The following TINAGL1 variants were observed in gnomAD, a reference collection of about 807,000 sequenced individuals.
TINAGL1 encodes the protein tubulointerstitial nephritis antigen like 1.
TINAGL1 carries 34 observed loss-of-function variants against 62.0 expected under a neutral mutation model. The observed-to-expected ratio is 0.55, with a 90% CI of 0.42 to 0.73. The LOEUF (loss-of-function observed/expected upper bound fraction) is 0.73. TINAGL1 is among the 30% of genes least tolerant of loss of function. The pLI is 0.00. For synonymous variants in TINAGL1, 221 were observed against 249.7 expected (o/e 0.88, Z 1.08); for missense variants, 516 against 653.2 (o/e 0.79, Z 2.29).
chr1:31,584,489 A>C lies in TINAGL1; in HGVS notation c.583-189A>C. The C allele has an allele frequency of 2.7e-5, 16 of 589,724 alleles. No homozygotes were observed. The highest frequency in any genetic ancestry group is 4.1e-5 in the Non-Finnish European group (14 of 344,596). 36.5% of individuals were successfully genotyped at this position (589,724 alleles called of 1,614,324 possible). A position where few individuals can be genotyped will look rare whatever the true frequency, so the allele number is the denominator to read the frequency against. ...CCCGCCCCACCACCTGATACCTGGGAGGCACTAAATGGTGCTTGGTTCTTC... is the reference window on the plus strand; with the variant it reads ...CCCGCCCCACCACCTGATACCTGGGCGGCACTAAATGGTGCTTGGTTCTTC... On this transcript the variant is annotated intron_variant, in intron 5 of 11. Transcript: ENST00000271064. This position sits in a 1 kb window ranked among gnomAD's most constrained non-coding sequence, Gnocchi z 4.0.
chr1:31,581,149 G>A (rs557612461), intron 3 of TINAGL1, among the ~76,000 whole-genome samples: 3 of 152,334 alleles, frequency 2.0e-5, no homozygotes, highest in East Asian at 3.9e-4. Flanking sequence ...GTCCCAAGGA[G>A]GTGCAGGCCA....
rs1232175636 is a variant in TINAGL1 at position 31,585,508 on chromosome 1, C to G, written c.1093+23C>G. 1.2e-6 allele frequency: 2 copies of G among 1,613,700 alleles called. No individual in the cohort carries two copies. The highest frequency in any genetic ancestry group is 1.7e-6 in the Non-Finnish European group (2 of 1,179,792). On this transcript the variant is annotated intron_variant, in intron 9 of 11. Transcript: ENST00000271064. The surrounding 1 kb of genome is among the most constrained non-coding windows in gnomAD (Gnocchi z 4.3). ...AAGGTAAACCCCCTTATCCAGCACC[C>G]TGGTTCCAGAAGCTTGTGCCTGCTT...
At chr1:31,579,124 T>G in intron 2 of TINAGL1, 80 bp from the exon 3 acceptor site, 1 of 1,044,670 alleles carries the variant, frequency 9.6e-7, no homozygotes, top group Non-Finnish European at 1.5e-6. Context: ...AGGTTCAAGG[T>G]ACCTGACCTC....
chr1:31,587,254 C>T lies in TINAGL1; in HGVS notation c.*275C>T. ...GCAGATCCCAGGCCTCTGGCGCCCC[C>T]ACTCAAGACTACCAAAGCCAGGACA... On this transcript the variant is annotated 3_prime_UTR_variant, in exon 12 of 12. Coordinates refer to ENST00000271064, the MANE Select transcript of TINAGL1 (RefSeq NM_022164.3). 2.9e-6 allele frequency: 1 copy of T among 347,274 alleles called. No homozygotes were observed. The highest frequency in any genetic ancestry group is 5.0e-6 in the Non-Finnish European group (1 of 198,378). The allele number at this position is 347,274 out of a possible 1,614,324, so 21.5% of individuals were successfully genotyped here.
At position 31,584,642 on chromosome 1, in the gene TINAGL1, G is replaced by A. The variant is rs768476385; in HGVS notation, c.583-36G>A. Reference sequence around the variant, plus strand: ...GGCACCTGAGGGGCAGGCCAGGGCAGAGCAGGAGGCAGACAGGGCAACCTT... The same window carrying A: ...GGCACCTGAGGGGCAGGCCAGGGCAAAGCAGGAGGCAGACAGGGCAACCTT... On this transcript the variant is annotated intron_variant, in intron 5 of 11. Coordinates refer to ENST00000271064, the MANE Select transcript of TINAGL1 (RefSeq NM_022164.3). The surrounding 1 kb of genome is among the most constrained non-coding windows in gnomAD (Gnocchi z 4.0). 1 of 1,612,234 alleles carries A rather than the reference G, an allele frequency of 6.2e-7. No individual in the cohort carries two copies. Among genetic ancestry groups the A allele is most frequent in the Non-Finnish European group, 8.5e-7 (1 of 1,179,932 alleles).
In TINAGL1 at chr1:31,585,264, C is replaced by T. The variant is rs1344012759; in HGVS notation, c.971C>T (p.Thr324Ile). The change falls in exon 8 of 12, where the codon ACT (threonine) becomes ATT (isoleucine). Residue 324 changes from threonine to isoleucine, a missense_variant. Coordinates refer to ENST00000271064, the MANE Select transcript of TINAGL1 (RefSeq NM_022164.3). This position sits in a 1 kb window ranked among gnomAD's most constrained non-coding sequence, Gnocchi z 4.3. ...ATGGGTCGGGGCAAGCGCCAGGCCA[C>T]TGCCCACTGCCCCAACAGCTATGTT... is the stretch of plus-strand genomic sequence containing the variant. ...RAMGRGKRQA[T>I]AHCPNSYVNN... 1.2e-6 allele frequency: 2 copies of T among 1,613,612 alleles called. No individual in the cohort carries two copies. Among genetic ancestry groups the T allele is most frequent in the Non-Finnish European group, 1.7e-6 (2 of 1,179,758 alleles).
In TINAGL1 at chr1:31,583,382, T is replaced by C. The variant is rs1281399755; in HGVS notation, c.468-79T>C. 6.7e-7 allele frequency: 1 copy of C among 1,483,796 alleles called. No individual in the cohort carries two copies. Among genetic ancestry groups the C allele is most frequent in the East Asian group, 2.4e-5 (1 of 42,522 alleles). 91.9% of individuals were successfully genotyped at this position (1,483,796 alleles called of 1,614,324 possible). A position where few individuals can be genotyped will look rare whatever the true frequency, so the allele number is the denominator to read the frequency against. ...TGTGTGCGCTCAGCCACTGTGCGTC[T>C]CTCCCACCCACATGCACCCACGCCA... On this transcript the variant is annotated intron_variant, in intron 4 of 11. Transcript: ENST00000271064. The surrounding 1 kb of genome is among the most constrained non-coding windows in gnomAD (Gnocchi z 4.4).
Position 31,585,047 on chromosome 1 carries a change from A to G in TINAGL1, c.857+11A>G. ...CCTGCGTCGCCGAGGGTATGCAGCA[A>G]CAGGGGATGTGGGCAGAGAAGAGGG... On this transcript the variant is annotated intron_variant, in intron 7 of 11. Transcript: ENST00000271064. This position sits in a 1 kb window ranked among gnomAD's most constrained non-coding sequence, Gnocchi z 4.3. 1 of 1,589,270 alleles carries G rather than the reference A, an allele frequency of 6.3e-7. No individual in the cohort carries two copies. The highest frequency in any genetic ancestry group is 2.3e-5 in the East Asian group (1 of 44,388).
chr1:31,585,899 G>A lies in TINAGL1; in HGVS notation c.1217+23G>A, dbSNP rs200193842. On this transcript the variant is annotated intron_variant, in intron 10 of 11. Transcript: ENST00000271064. This position sits in a 1 kb window ranked among gnomAD's most constrained non-coding sequence, Gnocchi z 4.3. Reference sequence around the variant, plus strand: ...AGGGTGAGGGGCGTGTGGGCAGAGGGGGTTTGGGACAGCAGGGTTTGTGCT... The same window carrying A: ...AGGGTGAGGGGCGTGTGGGCAGAGGAGGTTTGGGACAGCAGGGTTTGTGCT... 5 of 1,559,872 alleles carry A rather than the reference G, an allele frequency of 3.2e-6. No homozygotes were observed. The Admixed American group carries it at 9.6e-5, about 30-fold the overall frequency.
At chr1:31,586,351 C>A in intron 10 of TINAGL1, 1 of 459,628 alleles carries the variant, frequency 2.2e-6, no homozygotes, top group Non-Finnish European at 3.9e-6. Flanking sequence ...TCCTTCTGGC[C>A]CTTGGCACCT....
rs572023362 is a variant in TINAGL1 at position 31,587,556 on chromosome 1, G to C, written c.*577G>C. On this transcript the variant is annotated 3_prime_UTR_variant, in exon 12 of 12. Coordinates refer to ENST00000271064, the MANE Select transcript of TINAGL1 (RefSeq NM_022164.3). ...TGGTCTCGAACTCCTGGGCTCAAGC[G>C]GTCCACCTGCCTCCGCCTCCCAAAG... The C allele has an allele frequency of 4.4e-4, 67 of 152,396 alleles. No homozygotes were observed. Among genetic ancestry groups the C allele is most frequent in the Admixed American group, 6.5e-4 (10 of 15,296 alleles). 9.4% of individuals were successfully genotyped at this position (152,396 alleles called of 1,614,324 possible). A position where few individuals can be genotyped will look rare whatever the true frequency, so the allele number is the denominator to read the frequency against.
intron 2 of TINAGL1, among the ~76,000 whole-genome samples, chr1:31,578,790 G>C (rs1198990613): frequency 7.0e-6 from 1 of 142,790 alleles, no homozygotes; most frequent in Admixed American, 7.1e-5. Context: ...GTGTGTGTGT[G>C]ATGTCTTCAG....
Position 31,587,107 on chromosome 1 carries a change from A to C in TINAGL1, c.*128A>C. The C allele has an allele frequency of 7.8e-7, 1 of 1,285,696 alleles. No homozygotes were observed. Among genetic ancestry groups the C allele is most frequent in the Non-Finnish European group, 9.9e-7 (1 of 1,013,748 alleles). 79.6% of individuals were successfully genotyped at this position (1,285,696 alleles called of 1,614,324 possible). A position where few individuals can be genotyped will look rare whatever the true frequency, so the allele number is the denominator to read the frequency against. On this transcript the variant is annotated 3_prime_UTR_variant, in exon 12 of 12. Coordinates refer to ENST00000271064, the MANE Select transcript of TINAGL1 (RefSeq NM_022164.3). ...GGCGCAGGCGGGCGCCAGGGCGCTA[A>C]TCCCGGCGCGGGTTCCGCTGACGCA...
Position 31,584,454 on chromosome 1 carries a change from G to A in TINAGL1, c.583-224G>A, listed in dbSNP as rs560444027. 41 of 576,888 alleles carry A rather than the reference G, an allele frequency of 7.1e-5. No homozygotes were observed. Among genetic ancestry groups the A allele is most frequent in the East Asian group, 2.0e-4 (6 of 29,874 alleles). 35.7% of individuals were successfully genotyped at this position (576,888 alleles called of 1,614,324 possible). On this transcript the variant is annotated intron_variant, in intron 5 of 11. Coordinates refer to ENST00000271064, the MANE Select transcript of TINAGL1 (RefSeq NM_022164.3). The surrounding 1 kb of genome is among the most constrained non-coding windows in gnomAD (Gnocchi z 4.0). ...CTGGGAAGCAGGACTAGTCACCACC[G>A]CCACCCCGCCCCGCCCCACCACCTG...
At position 31,585,958 on chromosome 1, in the gene TINAGL1, C is replaced by T. The variant is rs1487879486; in HGVS notation, c.1217+82C>T. ...TGGAGCCTGCCTTGGGTTCTTACAA[C>T]CTCTCTAAAAAGCCAGGACTGCTCT... On this transcript the variant is annotated intron_variant, in intron 10 of 11. Transcript: ENST00000271064. The surrounding 1 kb of genome is among the most constrained non-coding windows in gnomAD (Gnocchi z 4.3). 4 of 1,460,140 alleles carry T rather than the reference C, an allele frequency of 2.7e-6. No individual in the cohort carries two copies. The Admixed American group carries it at 1.0e-4, about 38-fold the overall frequency. The allele number at this position is 1,460,140 out of a possible 1,614,324, so 90.4% of individuals were successfully genotyped here.
intron 3 of TINAGL1, chr1:31,580,203 C>CTG (rs1309032554): frequency 0.013 from 5,521 of 433,174 alleles, 108 homozygotes; most frequent in Admixed American, 0.089. Flanking sequence ...CTCTCTCTCT[C>CTG]TCTCTCTCTG....
In TINAGL1 at chr1:31,585,541, G is replaced by A; in HGVS notation, c.1093+56G>A. 1 of 1,608,242 alleles carries A rather than the reference G, an allele frequency of 6.2e-7. No homozygotes were observed. The highest frequency in any genetic ancestry group is 1.3e-5 in the African/African-American group (1 of 74,962). ...AGAAGCTTGTGCCTGCTTGAGAGTG[G>A]GCACAGTAGCACAAGTGGCCTGCAC... On this transcript the variant is annotated intron_variant, in intron 9 of 11. Coordinates refer to ENST00000271064, the MANE Select transcript of TINAGL1 (RefSeq NM_022164.3). The surrounding 1 kb of genome is among the most constrained non-coding windows in gnomAD (Gnocchi z 4.3).
intron 2 of TINAGL1, chr1:31,578,153 G>C (rs1031218645): frequency 2.0e-6 from 2 of 986,536 alleles, no homozygotes; most frequent in African/African-American, 3.5e-5. Context: ...AGGAATCCAG[G>C]TTGGAATCAT....
chr1:31,579,575 G>A (rs897774621), intron 3 of TINAGL1, among the ~76,000 whole-genome samples: 12 of 151,932 alleles, frequency 7.9e-5, no homozygotes, highest in African/African-American at 2.9e-4. Flanking sequence ...TGCTGTCACT[G>A]CAGAGTCAGA....
Sources: allele counts gnomAD v4.1 joint callset (sites outside exome capture counted in the v4.1 genomes callset), GRCh38; gene constraint gnomAD v4.1.1; non-coding constraint Gnocchi (gnomAD v3.1); transcripts MANE v1.5; gene names NCBI Gene and HGNC (gene_info 2026-07-23, HGNC 2026-07-21).